FAM161A: variants seen among roughly 807,000 people sequenced by gnomAD.
FAM161A encodes protein FAM161A.
A neutral mutation model predicts 70.9 loss-of-function variants in FAM161A; 57 were observed. That is an observed-to-expected ratio of 0.80 (90% confidence interval 0.65 to 1.00). FAM161A has a LOEUF of 1.00. FAM161A is among the 50% of genes least tolerant of loss of function. The pLI, the probability that FAM161A is intolerant of heterozygous loss-of-function variation, is 0.00. For synonymous variants in FAM161A, 299 were observed against 295.7 expected, an observed-to-expected ratio of 1.01 and a Z score of -0.12; for missense variants, 880 against 836.0, an observed-to-expected ratio of 1.05 and a Z score of -0.65.
In FAM161A at chr2:61,842,281, A is replaced by G. The variant is rs1572884232; in HGVS notation, c.263T>C (p.Ile88Thr). The G allele has an allele frequency of 1.9e-6, 3 of 1,612,682 alleles. No individual in the cohort carries two copies. Among genetic ancestry groups the G allele is most frequent in the East Asian group, 4.5e-5 (2 of 44,852 alleles). The change falls in exon 2 of 7, where the codon ATT becomes ACT. Residue 88 changes from isoleucine to threonine, a missense_variant. Coordinates refer to ENST00000404929, the MANE Select transcript of FAM161A (RefSeq NM_001201543.2). Reference sequence around the variant, plus strand: ...GAAATACTCCTCATTAGAGTGGTGAATATCAGGAAAGTTCACAAAGTCCTC... The same window carrying G: ...GAAATACTCCTCATTAGAGTGGTGAGTATCAGGAAAGTTCACAAAGTCCTC... ...SYEDFVNFPD[I>T]HHSNEEYFKK...
At chr2:61,812,865 C>G in the FAM161A span, among the ~76,000 whole-genome samples, 127 of 152,104 alleles carry the variant, frequency 8.3e-4, no homozygotes, top group Non-Finnish European at 2.6e-4. Flanking sequence ...GTCAGGAGAT[C>G]AAGACCATGC....
the FAM161A span, among the ~76,000 whole-genome samples, chr2:61,815,827 A>G: frequency 6.6e-6 from 1 of 151,986 alleles, no homozygotes; most frequent in Non-Finnish European, 1.5e-5. Context: ...CTGGGATTAC[A>G]GGCGTGAGCC....
the FAM161A span, among the ~76,000 whole-genome samples, chr2:61,812,579 G>A: frequency 2.1e-4 from 32 of 152,060 alleles, no homozygotes; most frequent in African/African-American, 6.8e-4. Context: ...AAAATTAGCC[G>A]GGCATGGTGG....
At chr2:61,818,158 C>T in the FAM161A span, among the ~76,000 whole-genome samples, 4 of 150,796 alleles carry the variant, frequency 2.7e-5, no homozygotes, top group African/African-American at 9.8e-5. Context: ...TGGGTTCAAG[C>T]AATTCTCCTG....
At chr2:61,803,466 G>T in the FAM161A span, 1 of 618,320 alleles carries the variant, frequency 1.6e-6, no homozygotes, top group South Asian at 1.7e-5. Flanking sequence ...GCAAAAAGCC[G>T]AAGGAGTAAA....
the FAM161A span, among the ~76,000 whole-genome samples, chr2:61,817,172 G>A: frequency 6.6e-6 from 1 of 152,148 alleles, no homozygotes; most frequent in Admixed American, 6.5e-5. Flanking sequence ...CGCTTTCTTC[G>A]CATGGAATTT....
At chr2:61,831,720 G>C (rs1383563192) in intron 5 of FAM161A, among the ~76,000 whole-genome samples, 1 of 152,228 alleles carries the variant, frequency 6.6e-6, no homozygotes, top group South Asian at 2.1e-4. Flanking sequence ...CAGTGTAAAG[G>C]TCAGTTAAGA....
At chr2:61,850,970 G>A (rs1431983192) in intron 1 of FAM161A, among the ~76,000 whole-genome samples, 1 of 152,086 alleles carries the variant, frequency 6.6e-6, no homozygotes, top group South Asian at 2.1e-4. Flanking sequence ...CACCTCTCGG[G>A]TTCAAGCGAT....
At chr2:61,847,054 C>G (rs180957731) in intron 1 of FAM161A, 1 of 367,070 alleles carries the variant, frequency 2.7e-6, no homozygotes, top group African/African-American at 2.1e-5. Flanking sequence ...CCCAGCTACT[C>G]GGGAGGCTGA....
chr2:61,816,766 T>C, the FAM161A span, among the ~76,000 whole-genome samples: 4 of 152,200 alleles, frequency 2.6e-5, no homozygotes, highest in Non-Finnish European at 5.9e-5. Flanking sequence ...GGCCCTGGCC[T>C]GTGTGTACTT....
chr2:61,840,736 C>G (rs987342730), intron 2 of FAM161A, among the ~76,000 whole-genome samples, 155 bp from the exon 3 acceptor site: 23 of 152,076 alleles, frequency 1.5e-4, no homozygotes, highest in Admixed American at 1.4e-3. Context: ...CTGCAACCTC[C>G]ACCTCCCAGG....
At position 61,829,457 on chromosome 2, in the gene FAM161A, C is replaced by T. The variant is rs546881143; in HGVS notation, c.1852-2199G>A. Among the ~76,000 whole-genome samples, 94 of 152,256 alleles carry T rather than the reference C, an allele frequency of 6.2e-4. 1 individual carries two copies. The South Asian group carries it at 0.011, about 18-fold the overall frequency. On this transcript the variant is annotated intron_variant, in intron 5 of 6. Transcript: ENST00000404929. ...TGAAAAAGAAACACTGCTGCTAAAA[C>T]GCACTCACTGTGAATAACAATAATA...
chr2:61,816,869 A>G, the FAM161A span, among the ~76,000 whole-genome samples: 1 of 152,164 alleles, frequency 6.6e-6, no homozygotes. Flanking sequence ...CACTGGCTGC[A>G]TCGGCCAGAG....
chr2:61,805,581 G>T, the FAM161A span, among the ~76,000 whole-genome samples: 1 of 152,256 alleles, frequency 6.6e-6, no homozygotes, highest in African/African-American at 2.4e-5. Flanking sequence ...TTAAGTATGA[G>T]GTGCCTGATT....
intron 6 of FAM161A, 87 bp from the exon 7 acceptor site, chr2:61,826,686 G>A (rs1672380974): frequency 1.8e-6 from 2 of 1,129,282 alleles, no homozygotes; most frequent in Admixed American, 4.1e-5. Context: ...CCACCGTGTA[G>A]CCAGTCTTCC....
At chr2:61,803,358 C>T in the FAM161A span, 3 of 700,314 alleles carry the variant, frequency 4.3e-6, no homozygotes, top group African/African-American at 5.3e-5. Flanking sequence ...CAAGACATGG[C>T]CTGTATGAGA....
At chr2:61,819,316 C>T in the FAM161A span, among the ~76,000 whole-genome samples, 5 of 152,052 alleles carry the variant, frequency 3.3e-5, no homozygotes, top group African/African-American at 1.2e-4. Context: ...CAAAAATTAG[C>T]CGGGCATGGT....
the FAM161A span, among the ~76,000 whole-genome samples, chr2:61,818,003 T>C: frequency 6.6e-6 from 1 of 151,220 alleles, no homozygotes; most frequent in Non-Finnish European, 1.5e-5. Context: ...GAAGCATATA[T>C]GTTTCCCAGA....
At chr2:61,820,365 C>T (rs998273186), downstream of FAM161A, 1 of 755,360 alleles carries the variant, frequency 1.3e-6, no homozygotes, top group African/African-American at 1.7e-5. Flanking sequence ...GCTCCAGGGG[C>T]TTTGGGTTTG....
Sources: gnomAD v4.1 joint callset for allele counts (sites outside exome capture counted in the v4.1 genomes callset) on GRCh38, gnomAD v4.1.1 for gene constraint, MANE v1.5 for transcripts, NCBI Gene and HGNC (gene_info 2026-07-23, HGNC 2026-07-21) for gene names.